The following AGAP3 variants were observed in gnomAD, a reference collection of about 807,000 sequenced individuals.
The protein encoded by AGAP3 is ArfGAP with GTPase domain, ankyrin repeat and PH domain 3, also known as arf-GAP with GTPase, ANK repeat and PH domain-containing protein 3.
Under a neutral mutation model 96.9 loss-of-function variants are expected in AGAP3, and 24 were observed. The ratio of observed to expected loss-of-function variants is 0.25; its 90% CI spans 0.18 to 0.35. The LOEUF (loss-of-function observed/expected upper bound fraction) is 0.35. Ranked by LOEUF, AGAP3 falls within the 10% of genes least tolerant of loss-of-function variation. The pLI is 1.00. For synonymous variants in AGAP3, 563 were observed against 536.1 expected (o/e 1.05, Z -0.69); for missense variants, 876 against 1,254.2 (o/e 0.70, Z 4.55).
At chr7:151,115,201 G>A in intron 1 of AGAP3, 8 of 1,008,340 alleles carry the variant, frequency 7.9e-6, no homozygotes, top group Non-Finnish European at 9.4e-6. Context: ...GAGGCGCCGG[G>A]CGCGGGTCTG....
intron 1 of AGAP3, among the ~76,000 whole-genome samples, chr7:151,100,117 AG>A (rs1396142052): frequency 2.2e-4 from 33 of 152,358 alleles, no homozygotes; most frequent in African/African-American, 7.5e-4. Context: ...TGCAGGGGGC[AG>A]CCCCTGCCTG....
intron 1 of AGAP3, among the ~76,000 whole-genome samples, chr7:151,095,776 C>T (rs569677535): frequency 8.8e-5 from 13 of 148,362 alleles, no homozygotes; most frequent in African/African-American, 2.5e-4. Context: ...AGAGTTGGGA[C>T]GTTTTGGAGG....
In AGAP3 at chr7:151,120,206, C is replaced by T. The variant is rs1244398701; in HGVS notation, c.1128+61C>T. 8.6e-6 allele frequency: 13 copies of T among 1,520,010 alleles called. 1 individual carries two copies. The highest frequency in any genetic ancestry group is 2.3e-5 in the East Asian group (1 of 43,694). 94.2% of individuals were successfully genotyped at this position (1,520,010 alleles called of 1,614,324 possible). A position where few individuals can be genotyped will look rare whatever the true frequency, so the allele number is the denominator to read the frequency against. Reference sequence around the variant, plus strand: ...TTGCTGCACAGGCAGGGCTGAGCGCCGAGCTCCCAGCCAGGAGGGGCGTGG... The same window carrying T: ...TTGCTGCACAGGCAGGGCTGAGCGCTGAGCTCCCAGCCAGGAGGGGCGTGG... On this transcript the variant is annotated intron_variant, in intron 8 of 17. Coordinates refer to ENST00000397238, the MANE Select transcript of AGAP3 (RefSeq NM_031946.7).
intron 1 of AGAP3, among the ~76,000 whole-genome samples, chr7:151,111,318 C>T (rs533343793): frequency 5.3e-5 from 8 of 152,338 alleles, no homozygotes; most frequent in African/African-American, 1.9e-4. Flanking sequence ...TTCTGCTCCA[C>T]ACCCTGCGGA....
At chr7:151,088,994 C>A (rs778464803) in intron 1 of AGAP3, among the ~76,000 whole-genome samples, 5 of 152,114 alleles carry the variant, frequency 3.3e-5, no homozygotes, top group Non-Finnish European at 5.9e-5. Flanking sequence ...ACCGACCCAG[C>A]CGCGGCTCAC....
At chr7:151,126,368 A>AGCGGG (rs1243216095) in intron 9 of AGAP3, among the ~76,000 whole-genome samples, 3 of 149,294 alleles carry the variant, frequency 2.0e-5, no homozygotes, top group East Asian at 2.0e-4. Flanking sequence ...AGCAGAGCAG[A>AGCGGG]GCGGAGCGGG....
At chr7:151,115,574 C>A (rs1440238726) in intron 1 of AGAP3, 1 of 1,147,302 alleles carries the variant, frequency 8.7e-7, no homozygotes, top group South Asian at 4.2e-5. Flanking sequence ...GGAGGGAGCC[C>A]GCGCCCGCCG....
chr7:151,089,501 T>C (rs757137908), intron 1 of AGAP3, among the ~76,000 whole-genome samples: 1 of 152,014 alleles, frequency 6.6e-6, no homozygotes, highest in Non-Finnish European at 1.5e-5. Flanking sequence ...TCCCTCACTC[T>C]GTTTAGACTT....
chr7:151,128,705 C>T (rs1032604039), intron 10 of AGAP3, 21 bp downstream of exon 10: 39 of 1,604,054 alleles, frequency 2.4e-5, no homozygotes, highest in South Asian at 1.1e-4. Context: ...GAGGAGGAGC[C>T]TCCTGGGGGA....
chr7:151,113,574 TG>T (rs1799396742), intron 1 of AGAP3, among the ~76,000 whole-genome samples: 2 of 152,182 alleles, frequency 1.3e-5, no homozygotes, highest in Admixed American at 6.5e-5. Context: ...TGGGCTGGAC[TG>T]GGGGTGGAGG....
At chr7:151,124,754 C>T (rs990117398) in intron 9 of AGAP3, among the ~76,000 whole-genome samples, 3 of 152,072 alleles carry the variant, frequency 2.0e-5, no homozygotes, top group Non-Finnish European at 2.9e-5. Flanking sequence ...AGGGGCCAGT[C>T]GGTGTGACCA....
Position 151,114,848 on chromosome 7 carries a change from C to A in AGAP3, c.332-1945C>A. 1 of 1,053,756 alleles carries A rather than the reference C, an allele frequency of 9.5e-7. No individual in the cohort carries two copies. Among genetic ancestry groups the A allele is most frequent in the South Asian group, 3.2e-5 (1 of 30,828 alleles). 65.3% of individuals were successfully genotyped at this position (1,053,756 alleles called of 1,614,324 possible). On this transcript the variant is annotated intron_variant, in intron 1 of 17. Coordinates refer to ENST00000397238, the MANE Select transcript of AGAP3 (RefSeq NM_031946.7). The surrounding 1 kb of genome is among the most constrained non-coding windows in gnomAD (Gnocchi z 4.4). ...CTTGCCGCCGCGCCCACAGCGTCTG[C>A]GACTCGCTGGACCTGCACGGCGCCT...
Position 151,118,529 on chromosome 7 carries a change from G to A in AGAP3, c.866G>A (p.Arg289Gln), listed in dbSNP as rs754272615. ...GTGGCCCAGAAGGTAGTGGCCTTGC[G>A]AAAGAAGCAGCAACTGGCCATCGGG... ...QDVAQKVVAL[R>Q]KKQQLAIGPC... Residue 289 changes from arginine to glutamine, a missense_variant, in exon 7 of 18, where the codon CGA becomes CAA. Arg to Gln is a conservative substitution (Grantham distance 43). Around this residue, in one of 8 missense-constraint regions of AGAP3, gnomAD observed 131 missense variants for 304.5 expected, o/e 0.43. Transcript: ENST00000397238. This position sits in a 1 kb window ranked among gnomAD's most constrained non-coding sequence, Gnocchi z 6.1. The A allele has an allele frequency of 3.7e-6, 6 of 1,614,042 alleles. No homozygotes were observed. Among genetic ancestry groups the A allele is most frequent in the African/African-American group, 2.7e-5 (2 of 74,916 alleles).
chr7:151,098,159 G>A (rs961547299), intron 1 of AGAP3, among the ~76,000 whole-genome samples: 2 of 152,042 alleles, frequency 1.3e-5, no homozygotes, highest in Non-Finnish European at 2.9e-5. Context: ...AGGAGTTCAA[G>A]ACCAGCCTGG....
intron 8 of AGAP3, chr7:151,123,148 G>T: frequency 9.2e-7 from 1 of 1,088,450 alleles, no homozygotes; most frequent in Non-Finnish European, 1.1e-6. Context: ...CCCCTCCTCT[G>T]CTCCTTCCTG....
intron 1 of AGAP3, among the ~76,000 whole-genome samples, chr7:151,087,755 G>A (rs1585026106): frequency 6.7e-6 from 1 of 148,710 alleles, no homozygotes; most frequent in African/African-American, 2.6e-5. Context: ...CACCGCACCC[G>A]GAGTCGGGGA....
At chr7:151,115,303 G>C in intron 1 of AGAP3, 1 of 1,005,580 alleles carries the variant, frequency 9.9e-7, no homozygotes, top group Non-Finnish European at 1.2e-6. Flanking sequence ...GGGCCGGAGG[G>C]GCCCCGGCGC....
chr7:151,100,812 A>G (rs1798806950), intron 1 of AGAP3, among the ~76,000 whole-genome samples: 1 of 152,204 alleles, frequency 6.6e-6, no homozygotes, highest in African/African-American at 2.4e-5. Flanking sequence ...ACTGCATTCT[A>G]GCCTGGAAGA....
At chr7:151,100,093 G>A (rs1032224746) in intron 1 of AGAP3, among the ~76,000 whole-genome samples, 4 of 152,212 alleles carry the variant, frequency 2.6e-5, no homozygotes, top group Non-Finnish European at 4.4e-5. Flanking sequence ...CTTTGTGGGA[G>A]CCTGAGGACA....
Sources: allele counts gnomAD v4.1 joint callset (sites outside exome capture counted in the v4.1 genomes callset), GRCh38; gene constraint gnomAD v4.1.1; regional missense constraint gnomAD v4.1.1; non-coding constraint Gnocchi (gnomAD v3.1); transcripts MANE v1.5; gene names NCBI Gene and HGNC (gene_info 2026-07-23, HGNC 2026-07-21).